NBPF4: variants seen among roughly 807,000 people sequenced by gnomAD.
The protein encoded by NBPF4 is NBPF member 4.
Under a neutral mutation model 21.1 loss-of-function variants are expected in NBPF4, and 11 were observed. That is an observed-to-expected ratio of 0.52 (90% CI 0.33 to 0.86). The LOEUF (loss-of-function observed/expected upper bound fraction) is 0.86. NBPF4 is among the 40% of genes least tolerant of loss of function. NBPF4 has a pLI of 0.03. For missense variants in NBPF4, 88 were observed against 265.3 expected (o/e 0.33, Z 4.64); for synonymous variants, 47 against 106.4 (o/e 0.44, Z 3.43).
In NBPF4 at chr1:108,222,890, A is replaced by T. The variant is rs1394974518; in HGVS notation, c.*815T>A. Among the ~76,000 whole-genome samples, 3 of 152,186 alleles carry T rather than the reference A, an allele frequency of 2.0e-5. No individual in the cohort carries two copies. Among genetic ancestry groups the T allele is most frequent in the Admixed American group, 6.5e-5 (1 of 15,284 alleles). On this transcript the variant is annotated 3_prime_UTR_variant, in exon 15 of 15. Coordinates refer to ENST00000415641, the MANE Select transcript of NBPF4 (RefSeq NM_001143989.3). ...TCCTAGACCCCTCCTTAACCAAGTGACCATCCTAGTATCACCGCACTGGGG... is the reference window on the plus strand; with the variant it reads ...TCCTAGACCCCTCCTTAACCAAGTGTCCATCCTAGTATCACCGCACTGGGG...
At chr1:108,256,866 T>C in the NBPF4 span, among the ~76,000 whole-genome samples, 1 of 140,822 alleles carries the variant, frequency 7.1e-6, no homozygotes, top group Non-Finnish European at 1.5e-5. Context: ...GTGATGTGCC[T>C]ACCTTGGCCT....
At position 108,241,134 on chromosome 1, in the gene NBPF4, T is replaced by C; in HGVS notation, c.309A>G (p.Ala103=). The C allele has an allele frequency of 5.9e-6, 2 of 340,464 alleles. No homozygotes were observed. The highest frequency in any genetic ancestry group is 1.1e-5 in the Non-Finnish European group (2 of 190,362). 21.1% of individuals were successfully genotyped at this position (340,464 alleles called of 1,614,324 possible). Residue 103 remains alanine, a synonymous_variant, in exon 4 of 15, where the codon GCA becomes GCG. Coordinates refer to ENST00000415641, the MANE Select transcript of NBPF4 (RefSeq NM_001143989.3). ...TCTCCCGTAACTGGGTCAGCTCTTT[T>C]GCCTGAGAGTGAACCAGGGCTTTAT... is the stretch of plus-strand genomic sequence containing the variant. ...RQYKALVHSQ[A]KELTQLREKL...
At position 108,223,736 on chromosome 1, in the gene NBPF4, G is replaced by A. The variant is rs1425638553; in HGVS notation, c.1886C>T (p.Thr629Ile). 1 of 1,556,414 alleles carries A rather than the reference G, an allele frequency of 6.4e-7. No homozygotes were observed. Among genetic ancestry groups the A allele is most frequent in the South Asian group, 1.2e-5 (1 of 84,526 alleles). The change falls in exon 15 of 15, where the codon ACT becomes ATT. Residue 629 changes from threonine (T) to isoleucine (I), a missense_variant. By Grantham distance (89) the Thr-to-Ile change is moderately conservative (BLOSUM62 -1). Around this residue, in one of 4 missense-constraint regions of NBPF4, gnomAD observed 17 missense variants for 20.7 expected, o/e 0.82. Transcript: ENST00000415641. ...TGCCATCCTTTGCGTCCTTCCAGCA[G>A]TATTTGGTATCTGTAGGGGAGAGAG... The part of the protein sequence containing the change: ...PHAESAEIPN[T>I]AGRTQRMAG
the NBPF4 span, among the ~76,000 whole-genome samples, chr1:108,259,470 A>T: frequency 6.9e-6 from 1 of 144,214 alleles, no homozygotes; most frequent in South Asian, 2.2e-4. Flanking sequence ...GTATAAACAT[A>T]GATTTAATTC....
At chr1:108,244,898 G>GGA (rs1392510829), upstream of NBPF4, among the ~76,000 whole-genome samples, 1 of 4,596 alleles carries the variant, frequency 2.2e-4, no homozygotes, top group African/African-American at 6.7e-4. Flanking sequence ...GAATATTGTT[G>GGA]GAGATATATA....
intron 14 of NBPF4, 148 bp downstream of exon 14, chr1:108,226,531 C>G: frequency 1.2e-6 from 1 of 859,778 alleles, no homozygotes. Flanking sequence ...AGGGTGGGAG[C>G]CCATGGGACA....
At chr1:108,223,839 T>TCCTGCTAAG (rs1445954343) in intron 14 of NBPF4, 93 bp from the exon 15 acceptor site, 2 of 1,219,424 alleles carry the variant, frequency 1.6e-6, no homozygotes, top group African/African-American at 3.0e-5. Flanking sequence ...CAGTGATATC[T>TCCTGCTAAG]CACTGGGATC....
At chr1:108,246,618 C>T (rs1649850468), upstream of NBPF4, among the ~76,000 whole-genome samples, 1 of 97,252 alleles carries the variant, frequency 1.0e-5, no homozygotes, top group East Asian at 3.5e-4. Context: ...CCTGCTGAAC[C>T]ATTTCCACGC....
intron 3 of NBPF4, among the ~76,000 whole-genome samples, chr1:108,241,487 C>T (rs1347966063): frequency 1.4e-5 from 2 of 147,242 alleles, no homozygotes; most frequent in Non-Finnish European, 3.0e-5. Context: ...CTTCTGTAAA[C>T]AAAAGTTAGT....
chr1:108,226,406 G>A (rs1253413542), intron 14 of NBPF4, among the ~76,000 whole-genome samples: 1 of 150,710 alleles, frequency 6.6e-6, no homozygotes, highest in East Asian at 1.9e-4. Flanking sequence ...TACTTGGATG[G>A]GGACAAGGAG....
At chr1:108,257,742 A>G in the NBPF4 span, among the ~76,000 whole-genome samples, 1 of 119,388 alleles carries the variant, frequency 8.4e-6, no homozygotes, top group Non-Finnish European at 1.7e-5. Context: ...TATTTTATCA[A>G]TCTTTTTTTC....
the NBPF4 span, among the ~76,000 whole-genome samples, chr1:108,259,646 G>T: frequency 1.4e-5 from 2 of 144,670 alleles, 1 homozygote. Context: ...GCTGAGGCAG[G>T]AGGATCACTG....
At chr1:108,246,208 T>C (rs371201330), upstream of NBPF4, among the ~76,000 whole-genome samples, 78 of 121,332 alleles carry the variant, frequency 6.4e-4, no homozygotes, top group South Asian at 0.025. Context: ...GAGGCATGCT[T>C]TCCACTGGGA....
At chr1:108,226,249 G>C (rs1649468795) in intron 14 of NBPF4, among the ~76,000 whole-genome samples, 1 of 151,330 alleles carries the variant, frequency 6.6e-6, no homozygotes, top group Non-Finnish European at 1.5e-5. Context: ...AGACTCAAGA[G>C]GAAAATCTTC....
At position 108,223,657 on chromosome 1, in the gene NBPF4, T is replaced by A; in HGVS notation, c.*48A>T. The A allele has an allele frequency of 6.4e-7, 1 of 1,561,132 alleles. No individual in the cohort carries two copies. Among genetic ancestry groups the A allele is most frequent in the Non-Finnish European group, 8.7e-7 (1 of 1,147,116 alleles). ...GTTTGGACTTAAACTTGCTTTGCTG[T>A]TTTAGTTGTTTTTATCAAGTGGAAA... On this transcript the variant is annotated 3_prime_UTR_variant, in exon 15 of 15. Coordinates refer to ENST00000415641, the MANE Select transcript of NBPF4 (RefSeq NM_001143989.3).
upstream of NBPF4, among the ~76,000 whole-genome samples, chr1:108,247,944 G>T (rs1649889338): frequency 6.7e-6 from 1 of 149,942 alleles, no homozygotes; most frequent in African/African-American, 2.5e-5. Flanking sequence ...TTTCCAAGTA[G>T]TTCGAACTCT....
At chr1:108,244,933 TATATATATATATATACAC>T (rs1211182981), upstream of NBPF4, among the ~76,000 whole-genome samples, 9 of 36,626 alleles carry the variant, frequency 2.5e-4, no homozygotes, top group African/African-American at 7.6e-4. Context: ...TATATATATA[TATATATATATATATACAC>T]ACACATATAG....
At chr1:108,226,511 A>T (rs373273152) in intron 14 of NBPF4, among the ~76,000 whole-genome samples, 168 bp downstream of exon 14, 1 of 150,090 alleles carries the variant, frequency 6.7e-6, no homozygotes, top group Non-Finnish European at 1.5e-5. Flanking sequence ...GGGTAGAGAA[A>T]GGGCCAGTCA....
chr1:108,224,902 A>G (rs1344649374), intron 14 of NBPF4, among the ~76,000 whole-genome samples: 2 of 150,294 alleles, frequency 1.3e-5, no homozygotes, highest in African/African-American at 4.9e-5. Context: ...TTAATTTGTT[A>G]TTGTATGCTC....
Sources: gnomAD v4.1 joint callset for allele counts (sites outside exome capture counted in the v4.1 genomes callset) on GRCh38, gnomAD v4.1.1 for gene constraint, gnomAD v4.1.1 regional missense constraint, MANE v1.5 for transcripts, NCBI Gene and HGNC (gene_info 2026-07-23, HGNC 2026-07-21) for gene names.